The following RAPGEF5 variants were observed in gnomAD, a reference collection of about 807,000 sequenced individuals.
RAPGEF5 encodes Rap guanine nucleotide exchange factor 5, also known as M-Ras-regulated GEF.
A neutral mutation model predicts 125.2 loss-of-function variants in RAPGEF5; 65 were observed. That is an observed-to-expected ratio of 0.52 (90% CI 0.43 to 0.64). The LOEUF (loss-of-function observed/expected upper bound fraction) is 0.64. RAPGEF5 is among the 30% of genes least tolerant of loss of function. The pLI, the probability that RAPGEF5 is intolerant of heterozygous loss-of-function variation, is 0.00. For synonymous variants in RAPGEF5, 391 were observed against 385.9 expected (o/e 1.01, Z -0.16); for missense variants, 958 against 1,048.1 (o/e 0.91, Z 1.19).
At chr7:22,317,068 T>C (rs570796300) in intron 2 of RAPGEF5, among the ~76,000 whole-genome samples, 17 of 151,784 alleles carry the variant, frequency 1.1e-4, no homozygotes, top group African/African-American at 3.9e-4. Flanking sequence ...TGACTAGTCC[T>C]GAAAGCATAC....
At chr7:22,211,405 C>A (rs993322272) in intron 9 of RAPGEF5, among the ~76,000 whole-genome samples, 2 of 152,134 alleles carry the variant, frequency 1.3e-5, no homozygotes, top group Non-Finnish European at 2.9e-5. Context: ...TATGCATGCA[C>A]AAAATTCATT....
intron 6 of RAPGEF5, among the ~76,000 whole-genome samples, chr7:22,283,296 C>T (rs1156719758): frequency 6.6e-6 from 1 of 152,192 alleles, no homozygotes; most frequent in African/African-American, 2.4e-5. Flanking sequence ...TGAATTCACA[C>T]TATTTCCACC....
At chr7:22,175,637 G>A (rs1784480616) in intron 11 of RAPGEF5, among the ~76,000 whole-genome samples, 1 of 152,128 alleles carries the variant, frequency 6.6e-6, no homozygotes, top group Non-Finnish European at 1.5e-5. Context: ...GTTGCTGCAT[G>A]GTTGTCTGAT....
intron 12 of RAPGEF5, 62 bp from the exon 13 acceptor site, chr7:22,162,603 A>C: frequency 6.8e-7 from 1 of 1,463,074 alleles, no homozygotes; most frequent in Non-Finnish European, 9.4e-7. Context: ...ACATCCATTT[A>C]CTCTTATTTT....
intron 7 of RAPGEF5, among the ~76,000 whole-genome samples, chr7:22,231,976 A>C (rs2128134754): frequency 6.6e-6 from 1 of 152,338 alleles, no homozygotes. Flanking sequence ...CAAGAGCGGA[A>C]GCAGGGAGAC....
chr7:22,185,746 T>C (rs905301118), intron 11 of RAPGEF5, among the ~76,000 whole-genome samples: 6 of 152,144 alleles, frequency 3.9e-5, no homozygotes, highest in Non-Finnish European at 8.8e-5. Context: ...TACCAAACAG[T>C]GGTACTCTTC....
intron 9 of RAPGEF5, among the ~76,000 whole-genome samples, chr7:22,203,941 G>GA (rs1785339354): frequency 6.6e-6 from 1 of 152,106 alleles, no homozygotes. Context: ...AGAAGAAAGG[G>GA]AAAAAAATTG....
At chr7:22,214,571 C>G (rs1349985286) in intron 9 of RAPGEF5, among the ~76,000 whole-genome samples, 3 of 152,196 alleles carry the variant, frequency 2.0e-5, no homozygotes, top group African/African-American at 2.4e-5. Flanking sequence ...CCACATCCAT[C>G]TAGTCATATA....
intron 13 of RAPGEF5, among the ~76,000 whole-genome samples, chr7:22,161,666 G>T (rs1784005376): frequency 6.6e-6 from 1 of 151,846 alleles, no homozygotes; most frequent in African/African-American, 2.4e-5. Flanking sequence ...TTAAAGAGTT[G>T]GTTAGACTCG....
In RAPGEF5 at chr7:22,230,936, C is replaced by T. The variant is rs1562773299; in HGVS notation, c.797-17G>A. 6 of 1,548,692 alleles carry T rather than the reference C, an allele frequency of 3.9e-6. No homozygotes were observed. In the South Asian group the frequency reaches 4.8e-5, roughly 12 times the overall value. ...GTTCAATTGCTTAAAAAAAAGAACA[C>T]CATTAAACAAATGTATCATCATACA... On this transcript the variant is annotated splice_polypyrimidine_tract_variant and intron_variant, in intron 7 of 25. Transcript: ENST00000665637.
At chr7:22,227,657 T>C (rs893344603) in intron 8 of RAPGEF5, among the ~76,000 whole-genome samples, 2 of 151,988 alleles carry the variant, frequency 1.3e-5, no homozygotes, top group African/African-American at 4.8e-5. Flanking sequence ...CTGGGCAACA[T>C]AGCAAAACCA....
At chr7:22,175,687 C>T (rs1381606058) in intron 11 of RAPGEF5, among the ~76,000 whole-genome samples, 1 of 152,102 alleles carries the variant, frequency 6.6e-6, no homozygotes, top group Non-Finnish European at 1.5e-5. Flanking sequence ...AGCTGTGTTC[C>T]TTAGTGTTTG....
intron 14 of RAPGEF5, among the ~76,000 whole-genome samples, chr7:22,159,062 T>C (rs530972754): frequency 6.6e-6 from 1 of 152,262 alleles, no homozygotes; most frequent in South Asian, 2.1e-4. Flanking sequence ...TATTAAACCA[T>C]GAAATAAAGT....
intron 9 of RAPGEF5, among the ~76,000 whole-genome samples, chr7:22,206,121 C>A (rs760065605): frequency 4.6e-5 from 7 of 152,070 alleles, no homozygotes; most frequent in Non-Finnish European, 1.0e-4. Flanking sequence ...AGGGTGTCTT[C>A]AAGTTAAGAA....
intron 11 of RAPGEF5, 69 bp from the exon 12 acceptor site, chr7:22,167,217 G>T: frequency 1.6e-6 from 2 of 1,240,038 alleles, no homozygotes; most frequent in South Asian, 1.3e-5. Context: ...TGCTTATCTG[G>T]GCCCCAGAAC....
intron 1 of RAPGEF5, among the ~76,000 whole-genome samples, chr7:22,351,934 T>C (rs7785857): frequency 0.13 from 19,648 of 152,162 alleles, 1,442 homozygotes; most frequent in East Asian, 0.19. Flanking sequence ...AAGAGAGAAC[T>C]TCATTCAGAG....
rs1782598517 is a variant in RAPGEF5 at position 22,122,153 on chromosome 7, C to A, written c.*253G>T. ...CAACAATGTGATCATAAGAAACCAGCCTTCTCCATCTCAAGAATGCTTCTG... is the reference window on the plus strand; with the variant it reads ...CAACAATGTGATCATAAGAAACCAGACTTCTCCATCTCAAGAATGCTTCTG... On this transcript the variant is annotated 3_prime_UTR_variant, in exon 26 of 26. Transcript: ENST00000665637. The A allele has an allele frequency of 4.6e-6, 2 of 431,536 alleles. No homozygotes were observed. Among genetic ancestry groups the A allele is most frequent in the Non-Finnish European group, 8.5e-6 (2 of 234,042 alleles). 26.7% of individuals were successfully genotyped at this position (431,536 alleles called of 1,614,324 possible). A position where few individuals can be genotyped will look rare whatever the true frequency, so the allele number is the denominator to read the frequency against.
chr7:22,191,977 T>A (rs1785010765), intron 11 of RAPGEF5, among the ~76,000 whole-genome samples: 1 of 152,238 alleles, frequency 6.6e-6, no homozygotes, highest in African/African-American at 2.4e-5. Flanking sequence ...TCTACTAAAG[T>A]GTCTTTTCCA....
At chr7:22,178,941 C>A (rs1017842512) in intron 11 of RAPGEF5, among the ~76,000 whole-genome samples, 4 of 152,162 alleles carry the variant, frequency 2.6e-5, no homozygotes, top group Non-Finnish European at 4.4e-5. Flanking sequence ...CACCAGTCAT[C>A]ATATTAGCAT....
Sources: gnomAD v4.1 joint callset for allele counts (sites outside exome capture counted in the v4.1 genomes callset) on GRCh38, gnomAD v4.1.1 for gene constraint, MANE v1.5 for transcripts, NCBI Gene and HGNC (gene_info 2026-07-23, HGNC 2026-07-21) for gene names.